CNGB1: variants seen among roughly 807,000 people sequenced by gnomAD.
CNGB1 encodes the protein cyclic nucleotide-gated channel beta-1.
In CNGB1, 126 loss-of-function variants were observed where a neutral mutation model predicts 151.7. The ratio of observed to expected loss-of-function variants is 0.83; its 90% CI spans 0.72 to 0.96. CNGB1 has a LOEUF of 0.96. Ranked by LOEUF, CNGB1 falls within the 40% of genes least tolerant of loss-of-function variation. CNGB1 has a pLI of 0.00. For synonymous variants in CNGB1, 623 were observed against 635.1 expected (o/e 0.98, Z 0.29); for missense variants, 1,698 against 1,627.0 (o/e 1.04, Z -0.75).
intron 7 of CNGB1, 146 bp from the exon 8 acceptor site, chr16:57,961,061 A>C: frequency 1.4e-6 from 1 of 740,686 alleles, no homozygotes; most frequent in Non-Finnish European, 2.3e-6. Context: ...GAAACTCTCA[A>C]AGGGCCCCAA....
At chr16:57,927,140 A>T (rs1961212667) in intron 17 of CNGB1, among the ~76,000 whole-genome samples, 1 of 152,184 alleles carries the variant, frequency 6.6e-6, no homozygotes, top group African/African-American at 2.4e-5. Context: ...AGCTCGTTAA[A>T]TTCTCACAAT....
chr16:57,912,572 T>TTTTG (rs551203038), intron 24 of CNGB1, among the ~76,000 whole-genome samples: 2 of 144,674 alleles, frequency 1.4e-5, no homozygotes, highest in African/African-American at 5.5e-5. Context: ...ACTTCCTGTG[T>TTTTG]TGTGTGTGTG....
intron 16 of CNGB1, among the ~76,000 whole-genome samples, chr16:57,938,445 C>G (rs1285420648): frequency 2.0e-5 from 3 of 152,222 alleles, no homozygotes; most frequent in African/African-American, 7.2e-5. Flanking sequence ...TGACTCCTCC[C>G]TCAGTGCCAG....
chr16:57,925,203 A>G (rs1961151885), intron 17 of CNGB1, among the ~76,000 whole-genome samples: 1 of 151,298 alleles, frequency 6.6e-6, no homozygotes. Flanking sequence ...GAGTTTCACC[A>G]TGTTGGCCAG....
At chr16:57,942,333 T>C (rs1296259346) in intron 14 of CNGB1, among the ~76,000 whole-genome samples, 1 of 152,094 alleles carries the variant, frequency 6.6e-6, no homozygotes, top group Non-Finnish European at 1.5e-5. Flanking sequence ...AAAAAAACCC[T>C]AAAGATTCCA....
intron 18 of CNGB1, 109 bp from the exon 19 acceptor site, chr16:57,920,653 G>A: frequency 1.4e-6 from 2 of 1,383,278 alleles, no homozygotes; most frequent in Non-Finnish European, 2.0e-6. Context: ...GAGCCTGAAG[G>A]AGGTAAGTCC....
At chr16:57,904,910 A>C (rs776974592) in intron 25 of CNGB1, 35 bp from the exon 26 acceptor site, 1 of 1,613,954 alleles carries the variant, frequency 6.2e-7, no homozygotes, top group South Asian at 1.1e-5. Context: ...ATGGGTCATC[A>C]CAGGCCCCAC....
intron 17 of CNGB1, among the ~76,000 whole-genome samples, chr16:57,925,299 G>A (rs1451592950): frequency 2.0e-5 from 3 of 152,032 alleles, no homozygotes; most frequent in African/African-American, 4.8e-5. Context: ...CACCACGCCC[G>A]GCCTCTCTCT....
In CNGB1 at chr16:57,896,081, T is replaced by C. The variant is rs560972193; in HGVS notation, c.3242+1316A>G. Among the ~76,000 whole-genome samples the C allele has an allele frequency of 1.5e-4, 23 of 152,210 alleles. No homozygotes were observed. In the East Asian group the frequency reaches 3.9e-3, roughly 26 times the overall value. On this transcript the variant is annotated intron_variant, in intron 31 of 32. Transcript: ENST00000251102. Reference sequence around the variant, plus strand: ...TTCCATTTTACAACTATCATAGCAATCTCTTTGTAACTATCATAGGGAGGA... The same window carrying C: ...TTCCATTTTACAACTATCATAGCAACCTCTTTGTAACTATCATAGGGAGGA...
chr16:57,956,173 G>A (rs60885257), intron 12 of CNGB1, among the ~76,000 whole-genome samples: 10 of 152,286 alleles, frequency 6.6e-5, no homozygotes, highest in East Asian at 3.9e-4. Flanking sequence ...CCAAGGAAAC[G>A]TTTTTAGTTC....
intron 25 of CNGB1, among the ~76,000 whole-genome samples, chr16:57,910,618 C>T (rs1276212624): frequency 1.3e-5 from 2 of 151,610 alleles, no homozygotes; most frequent in African/African-American, 4.9e-5. Context: ...AAGTGATCTG[C>T]CCGCCTCAGC....
At chr16:57,904,078 G>C in intron 26 of CNGB1, 97 bp from the exon 27 acceptor site, 3 of 1,132,650 alleles carry the variant, frequency 2.6e-6, no homozygotes, top group Non-Finnish European at 3.9e-6. Flanking sequence ...CACAGACCAC[G>C]GGCATGTGCT....
At chr16:57,940,417 C>T in intron 14 of CNGB1, 96 bp from the exon 15 acceptor site, 26 of 1,247,450 alleles carry the variant, frequency 2.1e-5, no homozygotes, top group South Asian at 6.5e-5. Flanking sequence ...GTGCCAGGAG[C>T]GGAGGGTACA....
At chr16:57,949,588 G>T in intron 13 of CNGB1, 149 bp from the exon 14 acceptor site, 1 of 1,220,092 alleles carries the variant, frequency 8.2e-7, no homozygotes, top group Non-Finnish European at 1.2e-6. Flanking sequence ...AGCCCCACCC[G>T]AGCAACCCTG....
chr16:57,884,513 G>A (rs930370521), intron 32 of CNGB1, 56 bp from the exon 33 acceptor site: 11 of 1,600,352 alleles, frequency 6.9e-6, no homozygotes, highest in African/African-American at 1.3e-5. Flanking sequence ...GGTCTTGGAA[G>A]GGTCTTGGAC....
At position 57,908,664 on chromosome 16, in the gene CNGB1, G is replaced by A. The variant is rs189165225; in HGVS notation, c.2492+3089C>T. 4.6e-5 allele frequency among the ~76,000 whole-genome samples: 7 copies of A among 152,278 alleles called. No individual in the cohort carries two copies. In the East Asian group the frequency reaches 9.7e-4, roughly 21 times the overall value. On this transcript the variant is annotated intron_variant, in intron 25 of 32. Transcript: ENST00000251102. Reference sequence around the variant, plus strand: ...AGAAGTGGCCTGTCTCCGCTGCCAGGGGGCAGCTCTAGGAGTCACACTTGG... The same window carrying A: ...AGAAGTGGCCTGTCTCCGCTGCCAGAGGGCAGCTCTAGGAGTCACACTTGG...
chr16:57,959,888 C>T lies in CNGB1; in HGVS notation c.761G>A (p.Arg254Lys). 1 of 1,527,114 alleles carries T rather than the reference C, an allele frequency of 6.5e-7. No homozygotes were observed. The highest frequency in any genetic ancestry group is 8.8e-7 in the Non-Finnish European group (1 of 1,136,478). The allele number at this position is 1,527,114 out of a possible 1,614,324, so 94.6% of individuals were successfully genotyped here. ...AGGCGCTGCATTGAGGGTGGCTCAC[C>T]TGGCAGGGTCCCTGGTTGGTGGCAG... ...SSLPPTRDPARLVAWVLHRLE... is the reference protein window; with the variant it reads ...SSLPPTRDPAKLVAWVLHRLE... The change falls in exon 10 of 33, where the codon AGG becomes AAG. Residue 254 changes from arginine (R) to lysine (K), a missense_variant and splice_region_variant. Physicochemically the swap from Arg to Lys is conservative, Grantham distance 26. Transcript: ENST00000251102.
rs1174140196 is a variant in CNGB1 at position 57,911,794 on chromosome 16, G to T, written c.2451C>A (p.Gly817=). 1.6e-5 allele frequency: 26 copies of T among 1,613,994 alleles called. No individual in the cohort carries two copies. Among genetic ancestry groups the T allele is most frequent in the Non-Finnish European group, 2.2e-5 (26 of 1,179,976 alleles). ...CLYYWASAYQ[G]LGSTHWVYDG... ...CGTAAACCCAGTGAGTGGAGCCGAG[G>T]CCCTGATAGGCCGATGCCCAGTAAT... Residue 817 remains glycine (G), a synonymous_variant, in exon 25 of 33, where the codon GGC becomes GGA. Coordinates refer to ENST00000251102, the MANE Select transcript of CNGB1 (RefSeq NM_001297.5).
chr16:57,951,394 C>T (rs1165661089), intron 12 of CNGB1, among the ~76,000 whole-genome samples: 1 of 152,158 alleles, frequency 6.6e-6, no homozygotes, highest in African/African-American at 2.4e-5. Flanking sequence ...CTCTATTGCT[C>T]AGGCTGGAGC....
Sources: allele counts gnomAD v4.1 joint callset (sites outside exome capture counted in the v4.1 genomes callset), GRCh38; gene constraint gnomAD v4.1.1; transcripts MANE v1.5; gene names NCBI Gene and HGNC (gene_info 2026-07-23, HGNC 2026-07-21).